The following CADPS variants were observed in gnomAD, a reference collection of about 807,000 sequenced individuals.
CADPS encodes calcium-dependent secretion activator 1.
Under a neutral mutation model 167.3 loss-of-function variants are expected in CADPS, and 57 were observed. The ratio of observed to expected loss-of-function variants is 0.34; its 90% CI spans 0.28 to 0.42. CADPS has a LOEUF of 0.42. Among genes scored for constraint, CADPS ranks in the 20% least tolerant of loss-of-function variants. CADPS has a pLI of 1.00. For synonymous variants in CADPS, 676 were observed against 635.3 expected (o/e 1.06, Z -0.96); for missense variants, 1,414 against 1,738.1 (o/e 0.81, Z 3.32).
At chr3:62,574,246 A>C (rs2081863112) in intron 8 of CADPS, among the ~76,000 whole-genome samples, 1 of 152,180 alleles carries the variant, frequency 6.6e-6, no homozygotes, top group Admixed American at 6.5e-5. Flanking sequence ...TCAGATCGCC[A>C]GTATGCTGAT....
intron 24 of CADPS, among the ~76,000 whole-genome samples, chr3:62,467,038 G>T (rs2060022923): frequency 6.6e-6 from 1 of 152,126 alleles, no homozygotes; most frequent in Admixed American, 6.6e-5. Flanking sequence ...CCTACACTGA[G>T]ACCACTGCTA....
intron 23 of CADPS, chr3:62,477,920 C>A: frequency 4.4e-6 from 1 of 228,850 alleles, no homozygotes; most frequent in Non-Finnish European, 8.8e-6. Context: ...TCCACTCAGG[C>A]ACACATTCAT....
chr3:62,552,269 C>T (rs368763405), intron 10 of CADPS, among the ~76,000 whole-genome samples: 1 of 150,916 alleles, frequency 6.6e-6, no homozygotes, highest in Admixed American at 6.6e-5. Flanking sequence ...AGGAGATATA[C>T]CTAATGTTAA....
At chr3:62,682,930 C>A (rs2151072955) in intron 3 of CADPS, among the ~76,000 whole-genome samples, 1 of 152,218 alleles carries the variant, frequency 6.6e-6, no homozygotes, top group Non-Finnish European at 1.5e-5. Context: ...TCTGGCCTAG[C>A]AGCTCTTGAA....
chr3:62,439,902 C>A (rs1323828416), intron 27 of CADPS: 2 of 152,144 alleles, frequency 1.3e-5, no homozygotes, highest in Non-Finnish European at 2.9e-5. Flanking sequence ...TTCAAAGGGG[C>A]ACTTCATTCA....
At chr3:62,539,381 C>T (rs2075311036) in intron 11 of CADPS, among the ~76,000 whole-genome samples, 2 of 152,082 alleles carry the variant, frequency 1.3e-5, no homozygotes, top group South Asian at 4.2e-4. Context: ...CTGGATTTTA[C>T]TTGCCCCAAA....
In CADPS at chr3:62,399,046, G is replaced by A. The variant is rs1428595764; in HGVS notation, c.*360C>T. 5.9e-6 allele frequency: 1 copy of A among 168,922 alleles called. No individual in the cohort carries two copies. The highest frequency in any genetic ancestry group is 1.6e-4 in the East Asian group (1 of 6,182). 10.5% of individuals were successfully genotyped at this position (168,922 alleles called of 1,614,324 possible). On this transcript the variant is annotated 3_prime_UTR_variant, in exon 30 of 30. Coordinates refer to ENST00000383710, the MANE Select transcript of CADPS (RefSeq NM_003716.4). This position sits in a 1 kb window ranked among gnomAD's most constrained non-coding sequence, Gnocchi z 5.6. ...TACGTGAAACAGAGTGAATGTACTT[G>A]ATGTACTTGCCCTCACATCCATTTA...
At chr3:62,497,513 C>T (rs760781724) in intron 18 of CADPS, among the ~76,000 whole-genome samples, 8 of 152,166 alleles carry the variant, frequency 5.3e-5, no homozygotes, top group Non-Finnish European at 1.2e-4. Context: ...CTGAAAAGAA[C>T]ATCCTATAGG....
chr3:62,418,871 G>C (rs1188620801), intron 28 of CADPS, among the ~76,000 whole-genome samples: 1 of 152,026 alleles, frequency 6.6e-6, no homozygotes, highest in Non-Finnish European at 1.5e-5. Context: ...GTGCACAACA[G>C]AACTTCTGAA....
At chr3:62,630,739 G>A (rs1323059040) in intron 6 of CADPS, among the ~76,000 whole-genome samples, 1 of 152,064 alleles carries the variant, frequency 6.6e-6, no homozygotes, top group African/African-American at 2.4e-5. Flanking sequence ...GTATGTACCT[G>A]TGATTTGTAC....
intron 21 of CADPS, among the ~76,000 whole-genome samples, chr3:62,486,247 C>A (rs1392036528): frequency 6.6e-6 from 1 of 152,030 alleles, no homozygotes; most frequent in Non-Finnish European, 1.5e-5. Flanking sequence ...GAGATCGAGA[C>A]CATCCTGGCT....
chr3:62,828,712 A>G lies in CADPS; in HGVS notation c.441+45877T>C, dbSNP rs891649510. Among the ~76,000 whole-genome samples, 7 of 152,156 alleles carry G rather than the reference A, an allele frequency of 4.6e-5. No individual in the cohort carries two copies. The East Asian group carries it at 1.2e-3, about 25-fold the overall frequency. The stretch of plus-strand genomic sequence containing the variant: ...TTTAAATATGCTTTTAATAACATGT[A>G]AATATATACCAGCAGATTTAAAAAA... On this transcript the variant is annotated intron_variant, in intron 1 of 29. Coordinates refer to ENST00000383710, the MANE Select transcript of CADPS (RefSeq NM_003716.4).
At chr3:62,441,574 T>C (rs1240890761) in intron 27 of CADPS, among the ~76,000 whole-genome samples, 1 of 152,162 alleles carries the variant, frequency 6.6e-6, no homozygotes, top group Non-Finnish European at 1.5e-5. Context: ...GTAGTGTGGA[T>C]AGTTAAGAGA....
intron 3 of CADPS, among the ~76,000 whole-genome samples, chr3:62,695,668 T>TTTTTG (rs963222413): frequency 2.0e-5 from 3 of 152,110 alleles, no homozygotes; most frequent in South Asian, 2.1e-4. Context: ...TTTGGTTGCT[T>TTTTTG]TTTTGTTTTG....
At chr3:62,543,947 G>A (rs2076087883) in intron 11 of CADPS, among the ~76,000 whole-genome samples, 2 of 151,620 alleles carry the variant, frequency 1.3e-5, no homozygotes, top group South Asian at 2.1e-4. Context: ...CTCTTACATG[G>A]GTATTTTTAG....
chr3:62,509,579 T>C (rs1364187584), intron 17 of CADPS, among the ~76,000 whole-genome samples: 1 of 152,158 alleles, frequency 6.6e-6, no homozygotes, highest in Admixed American at 6.6e-5. Flanking sequence ...CATCACACAA[T>C]CTTCCTGGAA....
chr3:62,785,500 A>G (rs185538632), intron 1 of CADPS, among the ~76,000 whole-genome samples: 1 of 152,304 alleles, frequency 6.6e-6, no homozygotes, highest in East Asian at 1.9e-4. Context: ...ATAGAACTGC[A>G]TTACTCACCC....
chr3:62,872,384 T>A (rs2082789606), intron 1 of CADPS, among the ~76,000 whole-genome samples: 1 of 152,196 alleles, frequency 6.6e-6, no homozygotes, highest in Non-Finnish European at 1.5e-5. Context: ...GTGAAAAAGC[T>A]TCTTTTTGTA....
intron 11 of CADPS, 99 bp from the exon 12 acceptor site, chr3:62,536,680 C>T (rs1561826080): frequency 2.4e-6 from 3 of 1,234,830 alleles, no homozygotes; most frequent in Non-Finnish European, 3.5e-6. Flanking sequence ...ACATTATGAA[C>T]GTTAGCTGTT....
Sources: allele counts gnomAD v4.1 joint callset (sites outside exome capture counted in the v4.1 genomes callset), GRCh38; gene constraint gnomAD v4.1.1; non-coding constraint Gnocchi (gnomAD v3.1); transcripts MANE v1.5; gene names NCBI Gene and HGNC (gene_info 2026-07-23, HGNC 2026-07-21).